Variants in LAMA4 observed in about 807,000 individuals in gnomAD.
The protein encoded by LAMA4 is laminin subunit alpha 4, also known as laminin subunit alpha-4.
LAMA4 carries 127 observed loss-of-function variants against 207.1 expected under a neutral mutation model. The observed-to-expected ratio is 0.61, with a 90% CI of 0.53 to 0.71. The LOEUF (loss-of-function observed/expected upper bound fraction) is 0.71, where lower values mean the gene tolerates loss of function less well. Ranked by LOEUF, LAMA4 falls within the 30% of genes least tolerant of loss-of-function variation. The probability of loss-of-function intolerance (pLI) is 0.00; values close to 1 mark genes in which losing one functional copy is unlikely to be tolerated. For synonymous variants in LAMA4, 761 were observed against 816.0 expected (o/e 0.93, Z 1.15); for missense variants, 2,093 against 2,246.5 (o/e 0.93, Z 1.38).
intron 24 of LAMA4, among the ~76,000 whole-genome samples, chr6:112,136,659 T>A (rs1214548735): frequency 6.9e-6 from 1 of 143,886 alleles, no homozygotes; most frequent in Non-Finnish European, 1.5e-5. Flanking sequence ...GACACTGCAC[T>A]CCAGCCTGGG....
At position 112,132,648 on chromosome 6, in the gene LAMA4, A is replaced by C. The variant is rs1159556812; in HGVS notation, c.3834+105T>G. On this transcript the variant is annotated intron_variant, in intron 28 of 38. Coordinates refer to ENST00000230538, the MANE Select transcript of LAMA4 (RefSeq NM_001105206.3). ...TTCTGTGTGTCTACGTGTGAGTCAA[A>C]ATTAATCTGAATAGAAAATCACTTC... The C allele has an allele frequency of 2.7e-6, 3 of 1,122,432 alleles. No individual in the cohort carries two copies. The East Asian group carries it at 7.6e-5, about 29-fold the overall frequency. 69.5% of individuals were successfully genotyped at this position (1,122,432 alleles called of 1,614,324 possible).
At chr6:112,137,433 G>A (rs1395310304) in intron 24 of LAMA4, among the ~76,000 whole-genome samples, 1 of 152,096 alleles carries the variant, frequency 6.6e-6, no homozygotes, top group Non-Finnish European at 1.5e-5. Context: ...CTAAAATAGA[G>A]AAAGAAACTA....
At chr6:112,146,183 G>A (rs1215983907) in intron 18 of LAMA4, among the ~76,000 whole-genome samples, 2 of 152,064 alleles carry the variant, frequency 1.3e-5, no homozygotes, top group Non-Finnish European at 2.9e-5. Context: ...CCAGCTACTC[G>A]GGAGGCTGAG....
chr6:112,137,986 T>C (rs1456471431), intron 24 of LAMA4, among the ~76,000 whole-genome samples: 1 of 152,120 alleles, frequency 6.6e-6, no homozygotes, highest in Non-Finnish European at 1.5e-5. Context: ...GGTTATACTG[T>C]GGAGAGATGG....
chr6:112,226,247 G>A (rs959124675), intron 2 of LAMA4, among the ~76,000 whole-genome samples: 1 of 152,036 alleles, frequency 6.6e-6, no homozygotes, highest in Non-Finnish European at 1.5e-5. Flanking sequence ...CCTCTCAGTG[G>A]CTCTTCATTC....
intron 9 of LAMA4, 33 bp from the exon 10 acceptor site, chr6:112,178,265 T>C: frequency 6.7e-7 from 1 of 1,483,480 alleles, no homozygotes; most frequent in Non-Finnish European, 9.4e-7. Flanking sequence ...CTAGATTAAA[T>C]GTATGAGAAA....
intron 2 of LAMA4, chr6:112,236,615 C>T (rs782495692): frequency 6.6e-6 from 1 of 152,156 alleles, no homozygotes; most frequent in Non-Finnish European, 1.5e-5. Context: ...TTTCCTAATT[C>T]ATTAGAACAT....
intron 12 of LAMA4, among the ~76,000 whole-genome samples, chr6:112,167,833 C>T (rs1554340489): frequency 7.2e-6 from 1 of 139,076 alleles, no homozygotes. Context: ...AGACTAGATG[C>T]ATACCATCAC....
At chr6:112,203,176 GA>G (rs1235866959) in intron 4 of LAMA4, among the ~76,000 whole-genome samples, 1 of 152,162 alleles carries the variant, frequency 6.6e-6, no homozygotes, top group African/African-American at 2.4e-5. Context: ...CTAGGGAAGT[GA>G]AAACACTGCG....
intron 2 of LAMA4, among the ~76,000 whole-genome samples, chr6:112,241,761 G>T (rs1554187783): frequency 6.6e-6 from 1 of 152,162 alleles, no homozygotes; most frequent in African/African-American, 2.4e-5. Context: ...GGAGAATGGG[G>T]ACGTCGGCTC....
chr6:112,244,379 G>A (rs923346761), intron 2 of LAMA4, among the ~76,000 whole-genome samples: 16 of 152,162 alleles, frequency 1.1e-4, no homozygotes, highest in Admixed American at 8.5e-4. Context: ...AGAAACTCAC[G>A]GTTCTGAGAC....
intron 3 of LAMA4, chr6:112,214,195 T>C (rs1784502667): frequency 2.3e-6 from 1 of 430,122 alleles, no homozygotes. Context: ...GCAAGCATTT[T>C]CTGCCCCTTC....
rs863223687 is a variant in LAMA4, at chr6:112,139,280, G to T, written c.3122C>A (p.Ala1041Asp). The change falls in exon 24 of 39, where the codon GCC becomes GAC. Residue 1041 changes from alanine to aspartate, a missense_variant. Coordinates refer to ENST00000230538, the MANE Select transcript of LAMA4 (RefSeq NM_001105206.3). ...TSVPCARDKL[A>D]FTQSRAASYF... Reference sequence around the variant, plus strand: ...ACTGGCAGCCCGACTCTGAGTGAAGGCCAGCTTATCTCTGAAATGGAAACA... The same window carrying T: ...ACTGGCAGCCCGACTCTGAGTGAAGTCCAGCTTATCTCTGAAATGGAAACA... 1.2e-6 allele frequency: 2 copies of T among 1,614,182 alleles called. No homozygotes were observed. Among genetic ancestry groups the T allele is most frequent in the Non-Finnish European group, 1.7e-6 (2 of 1,180,000 alleles).
At chr6:112,113,441 G>A (rs1777822648) in intron 38 of LAMA4, among the ~76,000 whole-genome samples, 1 of 152,232 alleles carries the variant, frequency 6.6e-6, no homozygotes, top group Non-Finnish European at 1.5e-5. Flanking sequence ...TTCAATATGA[G>A]GACATGGTCC....
chr6:112,209,953 T>C (rs1784272097), intron 3 of LAMA4, among the ~76,000 whole-genome samples: 1 of 152,090 alleles, frequency 6.6e-6, no homozygotes, highest in Non-Finnish European at 1.5e-5. Flanking sequence ...CCTAGTGCTG[T>C]CTTGTAATAG....
chr6:112,190,871 TTTTCTTTCTTTC>T (rs1173465019), intron 6 of LAMA4, among the ~76,000 whole-genome samples: 961 of 91,524 alleles, frequency 0.011, 41 homozygotes, highest in South Asian at 0.016. Flanking sequence ...CAAGGTTTCT[TTTTCTTTCTTTC>T]TTTCTTTCTT....
At chr6:112,201,835 C>G (rs1324165391) in intron 4 of LAMA4, 147 bp from the exon 5 acceptor site, 3 of 770,246 alleles carry the variant, frequency 3.9e-6, no homozygotes, top group African/African-American at 3.4e-5. Flanking sequence ...ACACATTTAC[C>G]TTGCAGGAAA....
At chr6:112,187,748 T>G in intron 7 of LAMA4, 147 bp from the exon 8 acceptor site, 1 of 862,414 alleles carries the variant, frequency 1.2e-6, no homozygotes, top group Non-Finnish European at 1.9e-6. Flanking sequence ...TTGTCAGGCT[T>G]TAGTATCTTG....
rs930833701 is a variant in LAMA4, at chr6:112,222,850, C to T, written c.196-6381G>A. ...AACAATAAACTAAGAAAATCCACAG[C>T]CCCTACAGCCGTACAGGTTTTCTTT... is the stretch of plus-strand genomic sequence containing the variant. On this transcript the variant is annotated intron_variant, in intron 2 of 38. Coordinates refer to ENST00000230538, the MANE Select transcript of LAMA4 (RefSeq NM_001105206.3). Among the ~76,000 whole-genome samples, 7 of 152,290 alleles carry T rather than the reference C, an allele frequency of 4.6e-5. No individual in the cohort carries two copies. The South Asian group carries it at 1.2e-3, about 27-fold the overall frequency.
Sources: allele counts gnomAD v4.1 joint callset (sites outside exome capture counted in the v4.1 genomes callset), GRCh38; gene constraint gnomAD v4.1.1; transcripts MANE v1.5; gene names NCBI Gene and HGNC (gene_info 2026-07-23, HGNC 2026-07-21).